VWA8: variants seen among roughly 807,000 people sequenced by gnomAD.
The protein encoded by VWA8 is von Willebrand factor A domain containing 8, also known as von Willebrand factor A domain-containing protein 8.
VWA8 carries 221 observed loss-of-function variants against 241.5 expected under a neutral mutation model. The observed-to-expected ratio is 0.91, with a 90% confidence interval of 0.82 to 1.02. The LOEUF is 1.02. Among genes scored for constraint, VWA8 ranks in the 50% least tolerant of loss-of-function variants. The pLI is 0.00. For synonymous variants in VWA8, 852 were observed against 827.1 expected (o/e 1.03, Z -0.52); for missense variants, 2,322 against 2,328.7 (o/e 1.00, Z 0.06).
chr13:41,772,372 A>G (rs141552854), intron 20 of VWA8, among the ~76,000 whole-genome samples: 100 of 152,308 alleles, frequency 6.6e-4, no homozygotes, highest in African/African-American at 2.2e-3. Context: ...CTGGCATAGA[A>G]AAAATATCAC....
intron 20 of VWA8, among the ~76,000 whole-genome samples, chr13:41,764,549 C>T (rs141656040): frequency 6.0e-4 from 92 of 152,198 alleles, no homozygotes; most frequent in African/African-American, 2.1e-3. Flanking sequence ...GAAGATTTAA[C>T]CTAAGGGCTC....
At chr13:41,930,092 G>T (rs1218342110) in intron 2 of VWA8, among the ~76,000 whole-genome samples, 1 of 152,102 alleles carries the variant, frequency 6.6e-6, no homozygotes, top group Non-Finnish European at 1.5e-5. Flanking sequence ...TCCAAAGAAG[G>T]TGTAAAAATG....
intron 37 of VWA8, among the ~76,000 whole-genome samples, chr13:41,629,917 A>G (rs146421596): frequency 6.6e-6 from 1 of 152,284 alleles, no homozygotes; most frequent in African/African-American, 2.4e-5. Flanking sequence ...TAATCCCTCA[A>G]CACCCTTAAA....
rs780605762 is a variant in VWA8, at chr13:41,949,937, G to C, written c.240C>G (p.Tyr80Ter). 1 of 1,560,006 alleles carries C rather than the reference G, an allele frequency of 6.4e-7. No homozygotes were observed. Among genetic ancestry groups the C allele is most frequent in the Non-Finnish European group, 8.7e-7 (1 of 1,143,420 alleles). The change falls in exon 2 of 45, where the codon TAC becomes TAG. Residue 80 changes from tyrosine to a stop codon, truncating the protein, a stop_gained and splice_region_variant. Transcript: ENST00000379310. LOFTEE classifies it high-confidence loss of function. ...PKNPELVPQN[Y>*]ISDSLAQSVV... The stretch of plus-strand genomic sequence containing the variant: ...CATATATTAATAAATATTTCTTACT[G>C]TAGTTCTGTGGCACAAGTTCTGGAT...
chr13:41,590,498 C>CT (rs5803096), intron 41 of VWA8, 142 bp downstream of exon 41: 19,033 of 651,898 alleles, frequency 0.029, 92 homozygotes, highest in African/African-American at 0.061. Context: ...TCTTCTTCTT[C>CT]TTTTTTTTTT....
At chr13:41,632,468 A>G (rs138400669) in intron 37 of VWA8, among the ~76,000 whole-genome samples, 57 of 152,310 alleles carry the variant, frequency 3.7e-4, no homozygotes, top group African/African-American at 1.3e-3. Flanking sequence ...CCTACATGCA[A>G]AAGAATTTAG....
rs141524262 is a variant in VWA8, at chr13:41,921,235, C to T, written c.242-9067G>A. 7.1e-3 allele frequency among the ~76,000 whole-genome samples: 1,077 copies of T among 152,314 alleles called. 16 individuals are homozygous for T. Among genetic ancestry groups the T allele is most frequent in the African/African-American group, 0.025 (1,029 of 41,558 alleles). ...AGAAAAGGCCTTCAACAAAATTCAA[C>T]AGCCCTTCATGCTAAAAACTCTCAA... On this transcript the variant is annotated intron_variant, in intron 2 of 44. Coordinates refer to ENST00000379310, the MANE Select transcript of VWA8 (RefSeq NM_015058.2).
chr13:41,757,251 A>G (rs2045700896), intron 21 of VWA8, among the ~76,000 whole-genome samples: 1 of 151,736 alleles, frequency 6.6e-6, no homozygotes, highest in Non-Finnish European at 1.5e-5. Flanking sequence ...ATTTCTTCCT[A>G]TATCTCCTAT....
chr13:41,758,417 TATATATATATATAC>T (rs1566444763), intron 21 of VWA8, among the ~76,000 whole-genome samples: 2 of 67,624 alleles, frequency 3.0e-5, no homozygotes, highest in South Asian at 4.6e-4. Context: ...TATATATATA[TATATATATATATAC>T]GCTAGTATAT....
At chr13:41,585,581 T>C (rs1197893730) in intron 42 of VWA8, among the ~76,000 whole-genome samples, 3 of 152,126 alleles carry the variant, frequency 2.0e-5, no homozygotes, top group Non-Finnish European at 4.4e-5. Context: ...AATCTCCCTA[T>C]AGGGCCAGGT....
chr13:41,610,832 ATTC>A (rs1437768715), intron 39 of VWA8, among the ~76,000 whole-genome samples: 2 of 152,052 alleles, frequency 1.3e-5, no homozygotes, highest in Non-Finnish European at 2.9e-5. Flanking sequence ...CATCATGTGG[ATTC>A]TTCTTATTTT....
Position 41,778,015 on chromosome 13 carries a change from A to G in VWA8, c.2319T>C (p.Leu773=), listed in dbSNP as rs751760463. Residue 773 remains leucine, a synonymous_variant, in exon 20 of 45, where the codon CTT becomes CTC. Transcript: ENST00000379310. ...TGCCAACCAATAATAAGTGTTCTCC[A>G]AGGAGAAAGTCTTTCAGCATATCTT... ...VMEDMLKDFL[L]GEHLLLVGNQ... 2 of 1,612,360 alleles carry G rather than the reference A, an allele frequency of 1.2e-6. No individual in the cohort carries two copies. The highest frequency in any genetic ancestry group is 2.2e-5 in the South Asian group (2 of 90,810).
chr13:41,814,017 C>T (rs1396926526), intron 16 of VWA8, among the ~76,000 whole-genome samples: 22 of 152,016 alleles, frequency 1.4e-4, no homozygotes. Flanking sequence ...CATAAAGGTT[C>T]TCATCAGAAA....
chr13:41,929,151 A>ATTTTTT (rs367906772), intron 2 of VWA8, among the ~76,000 whole-genome samples: 2 of 126,670 alleles, frequency 1.6e-5, no homozygotes, highest in African/African-American at 3.0e-5. Flanking sequence ...CTTGACTTTA[A>ATTTTTT]TTTTTTTTTT....
At chr13:41,721,987 T>C (rs2045396516) in intron 24 of VWA8, among the ~76,000 whole-genome samples, 1 of 152,160 alleles carries the variant, frequency 6.6e-6, no homozygotes, top group Non-Finnish European at 1.5e-5. Flanking sequence ...CAAACAGAGT[T>C]TAGATAATTT....
intron 12 of VWA8, among the ~76,000 whole-genome samples, chr13:41,837,042 TAGATA>T (rs1871768696): frequency 8.1e-6 from 1 of 123,974 alleles, no homozygotes; most frequent in African/African-American, 3.4e-5. Flanking sequence ...AGATGATAGA[TAGATA>T]GATAGATAGA....
At chr13:41,847,805 A>G (rs1488150351) in intron 12 of VWA8, among the ~76,000 whole-genome samples, 1 of 152,242 alleles carries the variant, frequency 6.6e-6, no homozygotes, top group Non-Finnish European at 1.5e-5. Context: ...CAGGGAAATG[A>G]AAAGATCTGA....
intron 17 of VWA8, among the ~76,000 whole-genome samples, chr13:41,804,265 G>GA (rs902825838): frequency 1.3e-5 from 2 of 152,130 alleles, no homozygotes; most frequent in African/African-American, 4.8e-5. Flanking sequence ...AGCAGGAAGA[G>GA]AAAAGAAACA....
intron 26 of VWA8, among the ~76,000 whole-genome samples, chr13:41,704,988 A>G (rs541597825): frequency 1.3e-5 from 2 of 152,340 alleles, no homozygotes; most frequent in Admixed American, 6.5e-5. Flanking sequence ...GTCTGACATA[A>G]TATTTCCATA....
Sources: allele counts gnomAD v4.1 joint callset (sites outside exome capture counted in the v4.1 genomes callset), GRCh38; gene constraint gnomAD v4.1.1; transcripts MANE v1.5; gene names NCBI Gene and HGNC (gene_info 2026-07-23, HGNC 2026-07-21).